The following SERPINA10 variants were observed in gnomAD, a reference collection of about 807,000 sequenced individuals.
SERPINA10 encodes protein Z-dependent protease inhibitor.
A neutral mutation model predicts 28.0 loss-of-function variants in SERPINA10; 24 were observed. The observed-to-expected ratio is 0.86, with a 90% confidence interval of 0.62 to 1.20. The LOEUF is 1.20. Ranked by LOEUF, SERPINA10 falls within the 50% of genes most tolerant of loss-of-function variation. The pLI is 0.00. For missense variants in SERPINA10, 521 were observed against 537.7 expected (o/e 0.97, Z 0.31); for synonymous variants, 207 against 203.9 (o/e 1.02, Z -0.13).
intron 4 of SERPINA10, among the ~76,000 whole-genome samples, chr14:94,285,178 T>C (rs183482109): frequency 6.6e-6 from 1 of 152,122 alleles, no homozygotes; most frequent in African/African-American, 2.4e-5. Context: ...GTAGCTGCCA[T>C]TTGGAAATGT....
Position 94,290,302 on chromosome 14 carries a change from T to C in SERPINA10, c.292A>G (p.Met98Val), listed in dbSNP as rs367779044. 7 of 1,614,072 alleles carry C rather than the reference T, an allele frequency of 4.3e-6. No homozygotes were observed. The African/African-American group carries it at 6.7e-5, about 15-fold the overall frequency. The change falls in exon 2 of 5, where the codon ATG becomes GTG. Residue 98 changes from methionine to valine, a missense_variant. Met to Val is a conservative substitution (Grantham distance 21). Transcript: ENST00000261994. ...GACATGCCAAATGGAGAGAAGACCA[T>C]GTTGCCATCGTGCCTCATGGAGATC... ...RKISMRHDGNMVFSPFGMSLA... is the reference protein window; with the variant it reads ...RKISMRHDGNVVFSPFGMSLA...
At chr14:94,284,255 G>T in intron 4 of SERPINA10, 99 bp from the exon 5 acceptor site, 1 of 1,090,290 alleles carries the variant, frequency 9.2e-7, no homozygotes, top group Non-Finnish European at 1.4e-6. Context: ...CTACCCATGG[G>T]GTCATGCTCC....
chr14:94,286,170 A>C lies in SERPINA10; in HGVS notation c.1081T>G (p.Phe361Val). The C allele has an allele frequency of 6.2e-7, 1 of 1,614,132 alleles. No individual in the cohort carries two copies. Among genetic ancestry groups the C allele is most frequent in the Non-Finnish European group, 8.5e-7 (1 of 1,180,022 alleles). Residue 361 changes from phenylalanine (F) to valine (V), a missense_variant, in exon 4 of 5, where the codon TTC becomes GTC. Coordinates refer to ENST00000261994, the MANE Select transcript of SERPINA10 (RefSeq NM_001100607.3). Reference sequence around the variant, plus strand: ...TCACTAAGGTCAGCAAAGGGTGAGAAGATTCTTCTGATTCCCATCTGCCTA... The same window carrying C: ...TCACTAAGGTCAGCAAAGGGTGAGACGATTCTTCTGATTCCCATCTGCCTA... ...LLRQMGIRRI[F>V]SPFADLSELS...
rs1406845665 is a variant in SERPINA10 at position 94,288,139 on chromosome 14, G to GA, written c.992+146dup. Reference sequence around the variant, plus strand: ...TGTGACAGATGCTGGGGATAGAGTGGAAAAAAAGACAAATGCTGCCCTGCC... The same window carrying GA: ...TGTGACAGATGCTGGGGATAGAGTGGAAAAAAAAGACAAATGCTGCCCTGCC... On this transcript the variant is annotated intron_variant, in intron 3 of 4. Coordinates refer to ENST00000261994, the MANE Select transcript of SERPINA10 (RefSeq NM_001100607.3). The GA allele has an allele frequency of 4.6e-6, 5 of 1,092,502 alleles. No homozygotes were observed. The African/African-American group carries it at 4.6e-5, about 10-fold the overall frequency. The allele number at this position is 1,092,502 out of a possible 1,614,324, so 67.7% of individuals were successfully genotyped here. A position where few individuals can be genotyped will look rare whatever the true frequency, so the allele number is the denominator to read the frequency against.
intron 2 of SERPINA10, 80 bp downstream of exon 2, chr14:94,289,794 CAT>C: frequency 7.1e-7 from 1 of 1,410,758 alleles, no homozygotes; most frequent in Non-Finnish European, 1.0e-6. Flanking sequence ...TAGCGTTAAT[CAT>C]ATGCTGGCCT....
rs1382038079 is a variant in SERPINA10 at position 94,283,555 on chromosome 14, C to T, written c.*410G>A. ...TCTCCCCTTGCCCAATGTCTCCACA[C>T]TGTCTATGCTCCTCGCCCATGAGTC... On this transcript the variant is annotated 3_prime_UTR_variant, in exon 5 of 5. Transcript: ENST00000261994. 4.1e-6 allele frequency: 1 copy of T among 241,646 alleles called. No homozygotes were observed. The highest frequency in any genetic ancestry group is 8.0e-6 in the Non-Finnish European group (1 of 124,454). The allele number at this position is 241,646 out of a possible 1,614,324, so 15.0% of individuals were successfully genotyped here. A position where few individuals can be genotyped will look rare whatever the true frequency, so the allele number is the denominator to read the frequency against.
chr14:94,289,836 G>A (rs1257351733), intron 2 of SERPINA10, 40 bp downstream of exon 2: 1 of 1,605,722 alleles, frequency 6.2e-7, no homozygotes, highest in Admixed American at 1.7e-5. Context: ...ACAATCGTAG[G>A]GCCCTGTGGC....
rs887565296 is a variant in SERPINA10, at chr14:94,283,722, G to T, written c.*243C>A. The T allele has an allele frequency of 9.0e-6, 5 of 556,886 alleles. No individual in the cohort carries two copies. The South Asian group carries it at 9.4e-5, about 10-fold the overall frequency. 34.5% of individuals were successfully genotyped at this position (556,886 alleles called of 1,614,324 possible). A position where few individuals can be genotyped will look rare whatever the true frequency, so the allele number is the denominator to read the frequency against. ...ATAAATTAAACTTTATCATAGGTATGTATGTGTAGGAAAAAATATATATAA... is the reference window on the plus strand; with the variant it reads ...ATAAATTAAACTTTATCATAGGTATTTATGTGTAGGAAAAAATATATATAA... On this transcript the variant is annotated 3_prime_UTR_variant, in exon 5 of 5. Transcript: ENST00000261994.
At chr14:94,288,678 C>A (rs1895086347) in intron 2 of SERPINA10, 119 bp from the exon 3 acceptor site, 9 of 1,372,212 alleles carry the variant, frequency 6.6e-6, no homozygotes, top group East Asian at 4.8e-5. Context: ...TCTTCTCGTT[C>A]CAACTAGGAA....
intron 2 of SERPINA10, among the ~76,000 whole-genome samples, chr14:94,288,776 A>G (rs1040630990): frequency 2.0e-5 from 3 of 152,304 alleles, no homozygotes; most frequent in South Asian, 4.1e-4. Context: ...TAGCCCAGCT[A>G]GCAAAATGCA....
Position 94,288,380 on chromosome 14 carries a change from C to G in SERPINA10, c.898G>C (p.Val300Leu), listed in dbSNP as rs760403906. Residue 300 changes from valine to leucine, a missense_variant, in exon 3 of 5, where the codon GTG becomes CTG. Val to Leu is a conservative substitution (Grantham distance 32, BLOSUM62 1). Transcript: ENST00000261994. ...TCACCCATTTTCTCCATGAGGACCA[C>G]CAGCATGGTGGCATTTCCTTGGTAG... Reference protein sequence around the residue: ...LPYQGNATMLVVLMEKMGDHL... With the variant: ...LPYQGNATMLLVLMEKMGDHL... 3.1e-6 allele frequency: 5 copies of G among 1,614,130 alleles called. No homozygotes were observed. In the South Asian group the frequency reaches 3.3e-5, roughly 11 times the overall value.
intron 4 of SERPINA10, among the ~76,000 whole-genome samples, chr14:94,284,374 G>A (rs1425903882): frequency 6.6e-6 from 1 of 152,188 alleles, no homozygotes; most frequent in African/African-American, 2.4e-5. Flanking sequence ...GGAACCCAAT[G>A]TGAAGTATTG....
In SERPINA10 at chr14:94,290,206, A is replaced by G. The variant is rs1338081292; in HGVS notation, c.388T>C (p.Leu130=). The G allele has an allele frequency of 6.2e-7, 1 of 1,613,600 alleles. No individual in the cohort carries two copies. The highest frequency in any genetic ancestry group is 1.3e-5 in the African/African-American group (1 of 74,946). The change falls in exon 2 of 5, where the codon TTG becomes CTG. Residue 130 remains leucine (L), a synonymous_variant. Transcript: ENST00000261994. ...GGCTTGGTGGGCTTCAGGGCCTGCA[A>G]GTGGAGCCCTCTCTTGATCTGGGTT... The part of the protein sequence containing the change: ...TETQIKRGLH[L]QALKPTKPGL...
chr14:94,281,098 G>C lies in SERPINA10; in HGVS notation c.*2867C>G, dbSNP rs932010990. On this transcript the variant is annotated 3_prime_UTR_variant, in exon 5 of 5. Coordinates refer to ENST00000261994, the MANE Select transcript of SERPINA10 (RefSeq NM_001100607.3). ...TTCTCAGTTGTTACAGCATATATAT[G>C]TGAGAACGTGTGGTTGAGTGTGTCT... 1 of 152,180 alleles carries C rather than the reference G, an allele frequency of 6.6e-6. No homozygotes were observed. The highest frequency in any genetic ancestry group is 1.5e-5 in the Non-Finnish European group (1 of 68,044). 9.4% of individuals were successfully genotyped at this position (152,180 alleles called of 1,614,324 possible). A position where few individuals can be genotyped will look rare whatever the true frequency, so the allele number is the denominator to read the frequency against.
rs781432685 is a variant in SERPINA10, at chr14:94,288,441, A to C, written c.837T>G (p.Phe279Leu). ...MYGAGKFAST[F>L]DKNFRCHVLK... Reference sequence around the variant, plus strand: ...GGACATGACAACGAAAATTCTTGTCAAAGGTGGAGGCAAACTTGCCTGCAC... The same window carrying C: ...GGACATGACAACGAAAATTCTTGTCCAAGGTGGAGGCAAACTTGCCTGCAC... The change falls in exon 3 of 5, where the codon TTT (phenylalanine) becomes TTG (leucine). Residue 279 changes from phenylalanine (F) to leucine (L), a missense_variant. Transcript: ENST00000261994. 1.2e-6 allele frequency: 2 copies of C among 1,614,188 alleles called. No individual in the cohort carries two copies. Among genetic ancestry groups the C allele is most frequent in the Admixed American group, 3.3e-5 (2 of 60,028 alleles).
intron 1 of SERPINA10, among the ~76,000 whole-genome samples, chr14:94,292,175 T>C (rs1431948075): frequency 1.3e-5 from 2 of 152,070 alleles, no homozygotes; most frequent in Non-Finnish European, 1.5e-5. Flanking sequence ...GGCAATAGAG[T>C]TGGGGCGCTT....
chr14:94,287,124 C>A lies in SERPINA10; in HGVS notation c.993-866G>T, dbSNP rs553464210. On this transcript the variant is annotated intron_variant, in intron 3 of 4. Coordinates refer to ENST00000261994, the MANE Select transcript of SERPINA10 (RefSeq NM_001100607.3). ...TTTTCCTCTCCTCTATATTTACAGACCCCAACCCTGTCATGTGTCTAGATT... is the reference window on the plus strand; with the variant it reads ...TTTTCCTCTCCTCTATATTTACAGAACCCAACCCTGTCATGTGTCTAGATT... Among the ~76,000 whole-genome samples, 5 of 152,274 alleles carry A rather than the reference C, an allele frequency of 3.3e-5. No homozygotes were observed. In the South Asian group the frequency reaches 1.0e-3, roughly 32 times the overall value.
chr14:94,283,749 G>T lies in SERPINA10; in HGVS notation c.*216C>A, dbSNP rs1378076717. The stretch of plus-strand genomic sequence containing the variant: ...ATGTGTAGGAAAAAATATATATAAG[G>T]TTCAGCACTGTCCACCGTTTCAGGC... On this transcript the variant is annotated 3_prime_UTR_variant, in exon 5 of 5. Transcript: ENST00000261994. 1 of 602,494 alleles carries T rather than the reference G, an allele frequency of 1.7e-6. No individual in the cohort carries two copies. The highest frequency in any genetic ancestry group is 2.9e-5 in the Admixed American group (1 of 34,276). The allele number at this position is 602,494 out of a possible 1,614,324, so 37.3% of individuals were successfully genotyped here. A position where few individuals can be genotyped will look rare whatever the true frequency, so the allele number is the denominator to read the frequency against.
At position 94,290,138 on chromosome 14, in the gene SERPINA10, G is replaced by A; in HGVS notation, c.456C>T (p.Leu152=). ...TGAGGCCCAGTTCCAGGTTGCGGGAGAGGGTCTCTCTGAGTCCCTTAAAGA... is the reference window on the plus strand; with the variant it reads ...TGAGGCCCAGTTCCAGGTTGCGGGAAAGGGTCTCTCTGAGTCCCTTAAAGA... The part of the protein sequence containing the change: ...PSLFKGLRET[L]SRNLELGLTQ... The change falls in exon 2 of 5, where the codon CTC becomes CTT. Residue 152 remains leucine, a synonymous_variant. Transcript: ENST00000261994. 1 of 1,614,200 alleles carries A rather than the reference G, an allele frequency of 6.2e-7. No homozygotes were observed. Among genetic ancestry groups the A allele is most frequent in the East Asian group, 2.2e-5 (1 of 44,864 alleles).
Sources: gnomAD v4.1 joint callset for allele counts (sites outside exome capture counted in the v4.1 genomes callset) on GRCh38, gnomAD v4.1.1 for gene constraint, MANE v1.5 for transcripts, NCBI Gene and HGNC (gene_info 2026-07-23, HGNC 2026-07-21) for gene names.